PDXDC1: variants seen among roughly 807,000 people sequenced by gnomAD.
PDXDC1 encodes pyridoxal dependent decarboxylase domain containing 1.
In PDXDC1, 42 loss-of-function variants were observed where a neutral mutation model predicts 100.1. The observed-to-expected ratio is 0.42, with a 90% CI of 0.33 to 0.54. The LOEUF is 0.54. Ranked by LOEUF, PDXDC1 falls within the 20% of genes least tolerant of loss-of-function variation. The probability of loss-of-function intolerance (pLI) is 0.10; values close to 1 mark genes in which losing one functional copy is unlikely to be tolerated. For synonymous variants in PDXDC1, 260 were observed against 371.7 expected (o/e 0.70, Z 3.46); for missense variants, 636 against 979.2 (o/e 0.65, Z 4.68).
chr16:15,038,676 A>C, downstream of PDXDC1: 1 of 1,558,366 alleles, frequency 6.4e-7, no homozygotes, highest in Non-Finnish European at 8.8e-7. Flanking sequence ...CTGCATCATA[A>C]ATGCTAATCA....
At chr16:15,126,043 T>C (rs2047701943) in intron 16 of PDXDC1, 5 of 578,064 alleles carry the variant, frequency 8.6e-6, no homozygotes, top group Middle Eastern at 4.7e-4. Flanking sequence ...AATTTCATTT[T>C]TTTTTTTCTT....
intron 16 of PDXDC1, among the ~76,000 whole-genome samples, chr16:15,062,233 G>T (rs1323880916): frequency 2.0e-5 from 3 of 152,120 alleles, no homozygotes; most frequent in South Asian, 2.1e-4. Flanking sequence ...ATCACACATT[G>T]TAATCATTTG....
At chr16:14,986,822 CTGCAAGCT>C (rs1213223599) in intron 1 of PDXDC1, among the ~76,000 whole-genome samples, 8 of 152,292 alleles carry the variant, frequency 5.3e-5, no homozygotes, top group Admixed American at 1.3e-4. Context: ...TCTTGGCTAA[CTGCAAGCT>C]CCGCCTCCCA....
chr16:15,011,631 CTTTTT>C, intron 8 of PDXDC1, among the ~76,000 whole-genome samples: 2 of 131,276 alleles, frequency 1.5e-5, no homozygotes, highest in African/African-American at 5.6e-5. Flanking sequence ...ACATTTTTTT[CTTTTT>C]TTTTTTTTTT....
At chr16:15,069,068 C>A (rs2045107884) in intron 16 of PDXDC1, among the ~76,000 whole-genome samples, 2 of 152,162 alleles carry the variant, frequency 1.3e-5, no homozygotes, top group African/African-American at 4.8e-5. Flanking sequence ...CTAGTTCATA[C>A]AACATCTTTT....
At chr16:15,084,590 A>G in intron 16 of PDXDC1, 1 of 1,275,368 alleles carries the variant, frequency 7.8e-7, no homozygotes, top group Non-Finnish European at 1.1e-6. Flanking sequence ...TTACTAATTG[A>G]TTACAATTTT....
At chr16:15,031,998 T>G in intron 17 of PDXDC1, 92 bp downstream of exon 17, 1 of 1,126,912 alleles carries the variant, frequency 8.9e-7, no homozygotes, top group Non-Finnish European at 1.3e-6. Flanking sequence ...AAATCCAAGA[T>G]GAACGTGTAG....
At chr16:14,974,983 C>G (rs1245828310), upstream of PDXDC1, 2 of 1,535,162 alleles carry the variant, frequency 1.3e-6, no homozygotes, top group Admixed American at 2.0e-5. Flanking sequence ...GGTACGGAAT[C>G]CCAGAGGGCT....
downstream of PDXDC1, among the ~76,000 whole-genome samples, chr16:15,142,165 T>C (rs940400169): frequency 2.0e-5 from 3 of 152,050 alleles, no homozygotes; most frequent in Admixed American, 6.5e-5. Flanking sequence ...GGAAAATCCA[T>C]CAAGAGTGGC....
At chr16:15,140,447 CAAAAAAAAAAA>C (rs888007915), downstream of PDXDC1, among the ~76,000 whole-genome samples, 8 of 39,080 alleles carry the variant, frequency 2.0e-4, no homozygotes, top group African/African-American at 7.7e-4. Context: ...AGCTCCATCT[CAAAAAAAAAAA>C]AAAAAAAAAG....
At chr16:14,982,081 C>T (rs1393060386) in intron 1 of PDXDC1, among the ~76,000 whole-genome samples, 22 of 152,400 alleles carry the variant, frequency 1.4e-4, no homozygotes, top group Non-Finnish European at 2.2e-4. Flanking sequence ...CCACTGCACC[C>T]GGCCTATTTT....
chr16:15,070,324 A>G (rs2045169427), intron 16 of PDXDC1: 2 of 1,547,556 alleles, frequency 1.3e-6, no homozygotes, highest in East Asian at 2.3e-5. Flanking sequence ...AAAACACACA[A>G]CTGCCTTTCA....
At chr16:14,999,560 T>C (rs1004970955) in intron 3 of PDXDC1, among the ~76,000 whole-genome samples, 2 of 152,222 alleles carry the variant, frequency 1.3e-5, no homozygotes, top group Non-Finnish European at 2.9e-5. Context: ...AAAAGTGATA[T>C]ACAAATTCAT....
At chr16:15,063,807 G>A (rs1318044847) in intron 16 of PDXDC1, among the ~76,000 whole-genome samples, 4 of 151,656 alleles carry the variant, frequency 2.6e-5, no homozygotes, top group Non-Finnish European at 5.9e-5. Context: ...ATTCACTCAT[G>A]TCGATGGAGT....
intron 16 of PDXDC1, among the ~76,000 whole-genome samples, chr16:15,109,521 G>C (rs1290070623): frequency 6.7e-6 from 1 of 148,240 alleles, no homozygotes; most frequent in Non-Finnish European, 1.5e-5. Flanking sequence ...TCTGGGCATG[G>C]TGGCATATGC....
downstream of PDXDC1, among the ~76,000 whole-genome samples, chr16:15,038,889 C>CTGAGCGCCAACAGCAGTCCCA (rs2043675328): frequency 6.6e-6 from 1 of 152,212 alleles, no homozygotes; most frequent in Non-Finnish European, 1.5e-5. Flanking sequence ...CGCACGACTG[C>CTGAGCGCCAACAGCAGTCCCA]TGAGCGCCAA....
chr16:15,099,050 C>G (rs904811242), intron 16 of PDXDC1, among the ~76,000 whole-genome samples: 35 of 152,112 alleles, frequency 2.3e-4, no homozygotes, highest in African/African-American at 8.5e-4. Flanking sequence ...GAGTGCAGCT[C>G]CTTATTTTCC....
intron 14 of PDXDC1, among the ~76,000 whole-genome samples, 174 bp from the exon 15 acceptor site, chr16:15,028,700 CATAG>C (rs1439620221): frequency 2.3e-4 from 35 of 152,288 alleles, no homozygotes; most frequent in African/African-American, 8.4e-4. Flanking sequence ...TCAAGTGTTA[CATAG>C]ATCACGAGGA....
At position 15,117,508 on chromosome 16, in the gene PDXDC1, T is replaced by A. The variant is rs556349426; in HGVS notation, c.1400-21371T>A. 1.7e-4 allele frequency among the ~76,000 whole-genome samples: 25 copies of A among 151,078 alleles called. No homozygotes were observed. In the South Asian group the frequency reaches 5.0e-3, roughly 31 times the overall value. The stretch of plus-strand genomic sequence containing the variant: ...CCAGTCTCTACTAAAAATACAAAAA[T>A]TAGCCAGGCGTGGTGGTCTACTAAA... On this transcript the variant is annotated intron_variant, in intron 16 of 16. Transcript: ENST00000535621.
Sources: gnomAD v4.1 joint callset for allele counts (sites outside exome capture counted in the v4.1 genomes callset) on GRCh38, gnomAD v4.1.1 for gene constraint, MANE v1.5 for transcripts, NCBI Gene and HGNC (gene_info 2026-07-23, HGNC 2026-07-21) for gene names.